Variants in ALCAM observed in about 807,000 individuals in gnomAD.
ALCAM encodes the protein CD166 antigen.
In ALCAM, 30 loss-of-function variants were observed where a neutral mutation model predicts 70.9. The ratio of observed to expected loss-of-function variants is 0.42; its 90% CI spans 0.32 to 0.57. The LOEUF is 0.57. Among genes scored for constraint, ALCAM ranks in the 20% least tolerant of loss-of-function variants. The probability of loss-of-function intolerance (pLI) is 0.11; values close to 1 mark genes in which losing one functional copy is unlikely to be tolerated. For synonymous variants in ALCAM, 249 were observed against 242.5 expected (o/e 1.03, Z -0.25); for missense variants, 591 against 695.1 (o/e 0.85, Z 1.68).
At chr3:105,537,818 C>T (rs933293138) in intron 6 of ALCAM, among the ~76,000 whole-genome samples, 17 of 152,026 alleles carry the variant, frequency 1.1e-4, no homozygotes, top group Admixed American at 1.0e-3. Flanking sequence ...TTCATTGAGG[C>T]AGGGTTTTCA....
chr3:105,370,837 C>A (rs1320505671), intron 1 of ALCAM, among the ~76,000 whole-genome samples: 1 of 152,032 alleles, frequency 6.6e-6, no homozygotes, highest in Admixed American at 6.6e-5. Context: ...TAGTGTAACT[C>A]ATCTCTCCTG....
intron 14 of ALCAM, among the ~76,000 whole-genome samples, chr3:105,554,982 T>G (rs1215535649): frequency 6.6e-6 from 1 of 152,018 alleles, no homozygotes; most frequent in African/African-American, 2.4e-5. Flanking sequence ...CAAATAAATG[T>G]TAAATTCTTG....
At chr3:105,541,869 C>G in intron 8 of ALCAM, 104 bp downstream of exon 8, 1 of 1,400,340 alleles carries the variant, frequency 7.1e-7, no homozygotes, top group Non-Finnish European at 9.8e-7. Flanking sequence ...TCTTAAATAA[C>G]TTGGTTGCAA....
At chr3:105,402,269 G>A (rs1417393557) in intron 1 of ALCAM, among the ~76,000 whole-genome samples, 1 of 152,146 alleles carries the variant, frequency 6.6e-6, no homozygotes, top group Non-Finnish European at 1.5e-5. Flanking sequence ...TTGGATAGGA[G>A]GCAGGACTAG....
intron 1 of ALCAM, among the ~76,000 whole-genome samples, chr3:105,392,394 A>T (rs1158608200): frequency 6.6e-6 from 1 of 151,250 alleles, no homozygotes; most frequent in African/African-American, 2.4e-5. Context: ...CGTTGTTTGT[A>T]TTTCTGTGGG....
At chr3:105,538,407 G>A (rs931233942) in intron 6 of ALCAM, among the ~76,000 whole-genome samples, 2 of 152,102 alleles carry the variant, frequency 1.3e-5, no homozygotes, top group African/African-American at 2.4e-5. Flanking sequence ...AGGGGCAAAC[G>A]CAGAGCAAGG....
At chr3:105,480,052 G>GC (rs935250049) in intron 1 of ALCAM, among the ~76,000 whole-genome samples, 1 of 151,956 alleles carries the variant, frequency 6.6e-6, no homozygotes, top group African/African-American at 2.4e-5. Flanking sequence ...AATTAATGAT[G>GC]CCCCCCAAAA....
intron 1 of ALCAM, among the ~76,000 whole-genome samples, chr3:105,474,350 T>C (rs1394441031): frequency 6.6e-6 from 1 of 151,794 alleles, no homozygotes. Flanking sequence ...GTATATGGTC[T>C]GACTTCTTCC....
intron 1 of ALCAM, among the ~76,000 whole-genome samples, chr3:105,399,822 G>A (rs1352546459): frequency 6.6e-6 from 1 of 152,210 alleles, no homozygotes; most frequent in South Asian, 2.1e-4. Flanking sequence ...GAAAACTTTG[G>A]CTCTTTTTCA....
chr3:105,515,764 G>A (rs7613790), intron 1 of ALCAM, among the ~76,000 whole-genome samples: 92,695 of 151,870 alleles, frequency 0.61, 28,818 homozygotes, highest in East Asian at 0.84. Context: ...CAAAATATTT[G>A]CATTTTCTTT....
intron 1 of ALCAM, among the ~76,000 whole-genome samples, chr3:105,390,834 C>A (rs1291779318): frequency 1.3e-5 from 2 of 152,070 alleles, no homozygotes; most frequent in African/African-American, 4.8e-5. Context: ...TTTCCCAGCA[C>A]CATTTATTAA....
At chr3:105,407,303 T>C (rs754293781) in intron 1 of ALCAM, among the ~76,000 whole-genome samples, 3 of 149,972 alleles carry the variant, frequency 2.0e-5, no homozygotes, top group Non-Finnish European at 3.0e-5. Context: ...CTAATGAACA[T>C]AGATGCAAAA....
chr3:105,514,608 A>C (rs1420500279), intron 1 of ALCAM, among the ~76,000 whole-genome samples: 1 of 151,986 alleles, frequency 6.6e-6, no homozygotes, highest in African/African-American at 2.4e-5. Flanking sequence ...TAGAGCATTA[A>C]ATTATATCAA....
chr3:105,409,954 G>A (rs1352489762), intron 1 of ALCAM, among the ~76,000 whole-genome samples: 2 of 152,096 alleles, frequency 1.3e-5, no homozygotes, highest in Admixed American at 6.6e-5. Flanking sequence ...CCATGAGAGA[G>A]GTACTTTGTT....
intron 1 of ALCAM, among the ~76,000 whole-genome samples, chr3:105,451,125 A>G (rs1370092154): frequency 1.3e-5 from 2 of 152,034 alleles, no homozygotes; most frequent in Non-Finnish European, 2.9e-5. Flanking sequence ...AAATCTGAGC[A>G]TGGTGGTGCA....
chr3:105,547,448 A>G lies in ALCAM; in HGVS notation c.1299A>G (p.Ile433Met). Residue 433 changes from isoleucine (I) to methionine (M), a missense_variant, in exon 11 of 16, where the codon ATA (isoleucine) becomes ATG (methionine). Transcript: ENST00000306107. ...ATCCCAGTGGACTATCTAAAACAAT[A>G]ATCTGCCATGTGGAAGGTTTTCCAA... ...KTDPSGLSKT[I>M]ICHVEGFPKP... 6.2e-7 allele frequency: 1 copy of G among 1,610,704 alleles called. No homozygotes were observed. Among genetic ancestry groups the G allele is most frequent in the Non-Finnish European group, 8.5e-7 (1 of 1,177,794 alleles).
At chr3:105,403,143 C>T (rs11719817) in intron 1 of ALCAM, among the ~76,000 whole-genome samples, 16,886 of 151,942 alleles carry the variant, frequency 0.11, 1,061 homozygotes, top group Middle Eastern at 0.17. Flanking sequence ...GACGGGGTTT[C>T]CCCATGTTGG....
At chr3:105,529,911 G>A (rs1055429593) in intron 3 of ALCAM, among the ~76,000 whole-genome samples, 1 of 152,058 alleles carries the variant, frequency 6.6e-6, no homozygotes, top group African/African-American at 2.4e-5. Context: ...TTACTTTGGT[G>A]AACTGGAAAG....
chr3:105,420,876 A>G (rs1236934393), intron 1 of ALCAM, among the ~76,000 whole-genome samples: 6 of 151,554 alleles, frequency 4.0e-5, no homozygotes. Flanking sequence ...TTTACTGAAG[A>G]GAGGAAAGTA....
Sources: allele counts gnomAD v4.1 joint callset (sites outside exome capture counted in the v4.1 genomes callset), GRCh38; gene constraint gnomAD v4.1.1; transcripts MANE v1.5; gene names NCBI Gene and HGNC (gene_info 2026-07-23, HGNC 2026-07-21).